RREB1: variants seen among roughly 807,000 people sequenced by gnomAD.
RREB1 encodes the protein ras responsive element binding protein 1.
A neutral mutation model predicts 117.8 loss-of-function variants in RREB1; 27 were observed. The ratio of observed to expected loss-of-function variants is 0.23; its 90% CI spans 0.17 to 0.32. RREB1 has a LOEUF of 0.32. Among genes scored for constraint, RREB1 ranks in the 10% least tolerant of loss-of-function variants. RREB1 has a pLI of 1.00. For missense variants in RREB1, 2,577 were observed against 2,378.2 expected, an observed-to-expected ratio of 1.08 and a Z score of -1.74; for synonymous variants, 1,298 against 1,026.7, an observed-to-expected ratio of 1.26 and a Z score of -5.05.
At chr6:7,195,071 A>G (rs998033893) in intron 6 of RREB1, among the ~76,000 whole-genome samples, 62 of 152,236 alleles carry the variant, frequency 4.1e-4, no homozygotes, top group African/African-American at 1.4e-3. Context: ...TTATTGTTGT[A>G]TGTGCCAGAG....
chr6:7,230,686 C>G lies in RREB1; in HGVS notation c.2587C>G (p.Leu863Val), dbSNP rs747307919. ...TGACTGCAAGCCCCTCACTGCCTTC[C>G]TGGAACCCCAGAACGGCTTTCTTCA... ...LGDCKPLTAFLEPQNGFLHRG... is the reference protein window; with the variant it reads ...LGDCKPLTAFVEPQNGFLHRG... Residue 863 changes from leucine to valine, a missense_variant, in exon 10 of 13, where the codon CTG (leucine) becomes GTG (valine). Coordinates refer to ENST00000379938, the MANE Select transcript of RREB1 (RefSeq NM_001003699.4). 1.9e-6 allele frequency: 3 copies of G among 1,593,682 alleles called. No homozygotes were observed. Among genetic ancestry groups the G allele is most frequent in the Non-Finnish European group, 1.7e-6 (2 of 1,169,136 alleles).
At chr6:7,108,470 GCC>G (rs941353984) in intron 1 of RREB1, among the ~76,000 whole-genome samples, 1 of 151,928 alleles carries the variant, frequency 6.6e-6, no homozygotes, top group Non-Finnish European at 1.5e-5. Context: ...CAGGAATCCG[GCC>G]CGACCCGCGC....
intron 11 of RREB1, among the ~76,000 whole-genome samples, chr6:7,241,010 C>T (rs986970668): frequency 6.6e-6 from 1 of 152,122 alleles, no homozygotes; most frequent in African/African-American, 2.4e-5. Flanking sequence ...GCTGCAGCCT[C>T]CTCGGGAGCA....
intron 5 of RREB1, 78 bp downstream of exon 5, chr6:7,187,601 G>A (rs1240537576): frequency 6.0e-6 from 4 of 666,668 alleles, no homozygotes; most frequent in Non-Finnish European, 8.4e-6. Flanking sequence ...GTCAAGTGCA[G>A]TAATGAGAAG....
chr6:7,126,279 C>A (rs904558315), intron 1 of RREB1, among the ~76,000 whole-genome samples: 1 of 151,910 alleles, frequency 6.6e-6, no homozygotes, highest in East Asian at 1.9e-4. Context: ...GGATTACAGG[C>A]GTGAGCCACT....
chr6:7,199,972 G>A (rs989614993), intron 6 of RREB1, among the ~76,000 whole-genome samples: 1 of 152,198 alleles, frequency 6.6e-6, no homozygotes, highest in African/African-American at 2.4e-5. Flanking sequence ...GGGTAGGCAA[G>A]TGTGATCTGT....
At chr6:7,127,725 G>C (rs948478492) in intron 1 of RREB1, among the ~76,000 whole-genome samples, 3 of 152,202 alleles carry the variant, frequency 2.0e-5, no homozygotes, top group African/African-American at 7.2e-5. Flanking sequence ...TGTGGGTGAT[G>C]GCTTTAGGGG....
intron 1 of RREB1, among the ~76,000 whole-genome samples, chr6:7,121,920 C>G (rs1761697686): frequency 6.6e-6 from 1 of 152,150 alleles, no homozygotes; most frequent in Non-Finnish European, 1.5e-5. Context: ...AGACTTCCAT[C>G]AGGGTGTGCT....
chr6:7,231,351 C>G lies in RREB1; in HGVS notation c.3252C>G (p.Thr1084=), dbSNP rs1027892162. 19 of 1,612,518 alleles carry G rather than the reference C, an allele frequency of 1.2e-5. No homozygotes were observed. The highest frequency in any genetic ancestry group is 1.7e-5 in the Admixed American group (1 of 59,950). The change falls in exon 10 of 13, where the codon ACC becomes ACG. Residue 1084 remains threonine (T), a synonymous_variant. Coordinates refer to ENST00000379938, the MANE Select transcript of RREB1 (RefSeq NM_001003699.4). ...SVSSAPTLLK[T]KVADPGPAST... ...CCTCGGCCCCCACCCTGCTGAAAAC[C>G]AAGGTGGCGGACCCAGGGCCCGCAA...
chr6:7,219,884 C>G (rs1767136140), intron 8 of RREB1, among the ~76,000 whole-genome samples: 1 of 152,166 alleles, frequency 6.6e-6, no homozygotes, highest in South Asian at 2.1e-4. Context: ...CAGCCCTTCT[C>G]TCTACTTCAC....
At chr6:7,227,569 A>G (rs1767659425) in intron 9 of RREB1, among the ~76,000 whole-genome samples, 1 of 152,036 alleles carries the variant, frequency 6.6e-6, no homozygotes, top group Non-Finnish European at 1.5e-5. Flanking sequence ...TTTTAAATAA[A>G]ATAAAAGTGG....
At chr6:7,121,786 A>G (rs1304940518) in intron 1 of RREB1, among the ~76,000 whole-genome samples, 6 of 151,980 alleles carry the variant, frequency 3.9e-5, no homozygotes, top group Non-Finnish European at 7.4e-5. Context: ...GGCAAACAAA[A>G]TCTTTTTGGA....
At chr6:7,126,243 G>T (rs537089613) in intron 1 of RREB1, among the ~76,000 whole-genome samples, 3 of 152,034 alleles carry the variant, frequency 2.0e-5, no homozygotes, top group South Asian at 4.1e-4. Flanking sequence ...CTCGTGATCC[G>T]CCCGCCTTGG....
At chr6:7,120,414 A>G (rs896370783) in intron 1 of RREB1, among the ~76,000 whole-genome samples, 2 of 152,158 alleles carry the variant, frequency 1.3e-5, no homozygotes, top group Non-Finnish European at 2.9e-5. Context: ...TGATTGTGCC[A>G]CTGCATTCCA....
intron 9 of RREB1, among the ~76,000 whole-genome samples, chr6:7,227,536 G>A (rs866190034): frequency 8.7e-5 from 12 of 138,134 alleles, no homozygotes; most frequent in African/African-American, 3.1e-4. Context: ...GCGAGACTCC[G>A]TCTAAGAAAA....
chr6:7,163,237 G>GC (rs1379184164), intron 1 of RREB1, among the ~76,000 whole-genome samples: 2 of 152,096 alleles, frequency 1.3e-5, no homozygotes, highest in Non-Finnish European at 2.9e-5. Flanking sequence ...AATCTGTTGA[G>GC]CCTTTTTTTT....
chr6:7,124,182 C>T (rs976931978), intron 1 of RREB1, among the ~76,000 whole-genome samples: 6 of 152,132 alleles, frequency 3.9e-5, no homozygotes, highest in South Asian at 4.1e-4. Flanking sequence ...GTGGCAAACA[C>T]GGTGGCCTGT....
At chr6:7,188,026 A>G (rs1275399671) in intron 5 of RREB1, among the ~76,000 whole-genome samples, 1 of 152,038 alleles carries the variant, frequency 6.6e-6, no homozygotes, top group African/African-American at 2.4e-5. Flanking sequence ...AAAATTAGCC[A>G]GGCATGGTGG....
At chr6:7,151,005 G>C (rs556234319) in intron 1 of RREB1, among the ~76,000 whole-genome samples, 1 of 152,312 alleles carries the variant, frequency 6.6e-6, no homozygotes, top group Admixed American at 6.5e-5. Flanking sequence ...ATCAGTCATA[G>C]GCACAGAGAA....
Sources: gnomAD v4.1 joint callset for allele counts (sites outside exome capture counted in the v4.1 genomes callset) on GRCh38, gnomAD v4.1.1 for gene constraint, MANE v1.5 for transcripts, NCBI Gene and HGNC (gene_info 2026-07-23, HGNC 2026-07-21) for gene names.